The following EEIG2 variants were observed in gnomAD, a reference collection of about 807,000 sequenced individuals.
EEIG2 encodes the protein EEIG family member 2, also known as family with sequence similarity 102 member B.
the EEIG2 span, among the ~76,000 whole-genome samples, chr1:108,622,388 A>C: frequency 6.6e-6 from 1 of 152,194 alleles, no homozygotes; most frequent in Non-Finnish European, 1.5e-5. Context: ...AGCCAGGAGA[A>C]AGGTACAAAG....
the EEIG2 span, among the ~76,000 whole-genome samples, chr1:108,585,352 T>C: frequency 2.6e-5 from 4 of 152,148 alleles, no homozygotes; most frequent in Non-Finnish European, 5.9e-5. Context: ...TTCAAAATAA[T>C]TAAGAAGCTA....
the EEIG2 span, among the ~76,000 whole-genome samples, chr1:108,585,079 G>C: frequency 6.6e-6 from 1 of 152,128 alleles, no homozygotes; most frequent in South Asian, 2.1e-4. Context: ...ATATGCATTT[G>C]TAATTATACA....
the EEIG2 span, among the ~76,000 whole-genome samples, chr1:108,589,241 T>C: frequency 6.6e-6 from 1 of 152,188 alleles, no homozygotes; most frequent in South Asian, 2.1e-4. Flanking sequence ...TTCTCCTTAC[T>C]GTTAGTGCTG....
the EEIG2 span, among the ~76,000 whole-genome samples, chr1:108,595,794 C>T: frequency 6.6e-6 from 1 of 152,056 alleles, no homozygotes; most frequent in South Asian, 2.1e-4. Flanking sequence ...GTAGCTTTTA[C>T]ATGCCTAATC....
chr1:108,566,896 A>G, the EEIG2 span, among the ~76,000 whole-genome samples: 1 of 152,168 alleles, frequency 6.6e-6, no homozygotes, highest in South Asian at 2.1e-4. Flanking sequence ...CAAAGTTTCA[A>G]TTAGGTGGCA....
At chr1:108,610,959 A>G in the EEIG2 span, among the ~76,000 whole-genome samples, 2 of 152,122 alleles carry the variant, frequency 1.3e-5, no homozygotes, top group East Asian at 3.9e-4. Context: ...TCAAAAAAAA[A>G]GAGAGGCAAT....
the EEIG2 span, chr1:108,639,107 T>A: frequency 6.6e-6 from 1 of 152,184 alleles, no homozygotes; most frequent in Non-Finnish European, 1.5e-5. Flanking sequence ...ATGCAAATGT[T>A]TATGAATAAC....
the EEIG2 span, among the ~76,000 whole-genome samples, chr1:108,615,145 A>T: frequency 6.6e-6 from 1 of 152,198 alleles, no homozygotes; most frequent in Non-Finnish European, 1.5e-5. Context: ...ATTCATTAAG[A>T]CTATGAATTT....
the EEIG2 span, among the ~76,000 whole-genome samples, chr1:108,564,857 G>A: frequency 6.6e-6 from 1 of 152,034 alleles, no homozygotes; most frequent in South Asian, 2.1e-4. Flanking sequence ...TGAGGTAGGA[G>A]GATCGCTTGA....
the EEIG2 span, chr1:108,560,204 C>A: frequency 6.7e-6 from 1 of 150,370 alleles, no homozygotes; most frequent in Non-Finnish European, 1.5e-5. Context: ...CCGCTCCCCG[C>A]GGGCGGTCGG....
At chr1:108,599,810 AGCC>A in the EEIG2 span, among the ~76,000 whole-genome samples, 1 of 152,186 alleles carries the variant, frequency 6.6e-6, no homozygotes, top group Non-Finnish European at 1.5e-5. Context: ...TGGACAACAT[AGCC>A]AAACCCTGTC....
chr1:108,569,748 C>T, the EEIG2 span, among the ~76,000 whole-genome samples: 1 of 152,154 alleles, frequency 6.6e-6, no homozygotes, highest in African/African-American at 2.4e-5. Context: ...CTTATATCAG[C>T]CAATTATGTG....
the EEIG2 span, among the ~76,000 whole-genome samples, chr1:108,583,523 A>G: frequency 7.9e-5 from 12 of 152,162 alleles, no homozygotes; most frequent in South Asian, 1.2e-3. Flanking sequence ...ATTTATTTCA[A>G]TAATACTATG....
chr1:108,584,969 TTAAAC>T, the EEIG2 span, among the ~76,000 whole-genome samples: 2 of 152,274 alleles, frequency 1.3e-5, no homozygotes, highest in Middle Eastern at 3.4e-3. Context: ...AGATTTTGCT[TTAAAC>T]TAAATTAATA....
At chr1:108,599,747 T>C in the EEIG2 span, among the ~76,000 whole-genome samples, 1 of 152,238 alleles carries the variant, frequency 6.6e-6, no homozygotes, top group Non-Finnish European at 1.5e-5. Flanking sequence ...ATCTCAGCAC[T>C]TTGGGAGGCC....
At chr1:108,566,880 A>T in the EEIG2 span, among the ~76,000 whole-genome samples, 1 of 152,156 alleles carries the variant, frequency 6.6e-6, no homozygotes, top group Non-Finnish European at 1.5e-5. Flanking sequence ...TGTTGGTCAT[A>T]GGGCACAAAG....
chr1:108,574,627 T>G, the EEIG2 span, among the ~76,000 whole-genome samples: 1 of 152,174 alleles, frequency 6.6e-6, no homozygotes, highest in Non-Finnish European at 1.5e-5. Flanking sequence ...GGCAGGTGCC[T>G]GTAATCCCAG....
At chr1:108,614,624 G>A in the EEIG2 span, among the ~76,000 whole-genome samples, 1 of 152,050 alleles carries the variant, frequency 6.6e-6, no homozygotes, top group African/African-American at 2.4e-5. Context: ...TGGATGGCAT[G>A]TCCCCTCTCC....
the EEIG2 span, among the ~76,000 whole-genome samples, chr1:108,618,271 G>A: frequency 2.0e-5 from 3 of 152,172 alleles, no homozygotes; most frequent in African/African-American, 7.2e-5. Context: ...AGGTAGAGGA[G>A]AAATGGAAGC....
Sources: gnomAD v4.1 joint callset for allele counts (sites outside exome capture counted in the v4.1 genomes callset) on GRCh38, gnomAD v4.1.1 for gene constraint, MANE v1.5 for transcripts, NCBI Gene and HGNC (gene_info 2026-07-23, HGNC 2026-07-21) for gene names.